Variants in KERA observed in about 807,000 individuals in gnomAD.
KERA encodes keratocan.
A neutral mutation model predicts 26.4 loss-of-function variants in KERA; 25 were observed. The ratio of observed to expected loss-of-function variants is 0.95; its 90% CI spans 0.69 to 1.32. The LOEUF (loss-of-function observed/expected upper bound fraction) is 1.32. Ranked by LOEUF, KERA falls within the 40% of genes most tolerant of loss-of-function variation. The probability of loss-of-function intolerance (pLI) is 0.00; values close to 1 mark genes in which losing one functional copy is unlikely to be tolerated. For synonymous variants in KERA, 167 were observed against 146.1 expected (o/e 1.14, Z -1.03); for missense variants, 434 against 408.9 (o/e 1.06, Z -0.53).
In KERA at chr12:91,056,216, A is replaced by G. The variant is rs1026475863; in HGVS notation, c.66T>C (p.Ser22=). ...LFITDTVWSR[S]VRQVYEVHDS... is the part of the protein sequence containing the mutation. ...CATGTACTTCATAGACCTGCCTCAC[A>G]CTTCTAGACCACACAGTGTCTGTTA... The change falls in exon 2 of 3, where the codon AGT becomes AGC. Residue 22 remains serine (S), a synonymous_variant. Transcript: ENST00000266719. 3 of 1,609,674 alleles carry G rather than the reference A, an allele frequency of 1.9e-6. No homozygotes were observed. Among genetic ancestry groups the G allele is most frequent in the Non-Finnish European group, 2.5e-6 (3 of 1,177,212 alleles).
Sources: gnomAD v4.1 joint callset for allele counts on GRCh38, gnomAD v4.1.1 for gene constraint, MANE v1.5 for transcripts, NCBI Gene and HGNC (gene_info 2026-07-23, HGNC 2026-07-21) for gene names.